The following DIP2B variants were observed in gnomAD, a reference collection of about 807,000 sequenced individuals.
DIP2B encodes DIP2 acetate--CoA ligase B (putative).
In DIP2B, 76 loss-of-function variants were observed where a neutral mutation model predicts 198.0. That is an observed-to-expected ratio of 0.38 (90% CI 0.32 to 0.46). DIP2B has a LOEUF of 0.46. Ranked by LOEUF, DIP2B falls within the 20% of genes least tolerant of loss-of-function variation. The pLI is 0.99. For synonymous variants in DIP2B, 701 were observed against 739.1 expected, an observed-to-expected ratio of 0.95 and a Z score of 0.84; for missense variants, 1,559 against 1,978.4, an observed-to-expected ratio of 0.79 and a Z score of 4.02.
At chr12:50,729,861 C>G (rs1309166565) in intron 30 of DIP2B, among the ~76,000 whole-genome samples, 1 of 151,776 alleles carries the variant, frequency 6.6e-6, no homozygotes, top group East Asian at 1.9e-4. Context: ...TCCTGAGTAG[C>G]TGGGACTACA....
rs908140507 is a variant in DIP2B at position 50,745,766 on chromosome 12, A to G, written c.*927A>G. 7 of 152,524 alleles carry G rather than the reference A, an allele frequency of 4.6e-5. No individual in the cohort carries two copies. The highest frequency in any genetic ancestry group is 1.7e-4 in the African/African-American group (7 of 41,464). 9.4% of individuals were successfully genotyped at this position (152,524 alleles called of 1,614,324 possible). A position where few individuals can be genotyped will look rare whatever the true frequency, so the allele number is the denominator to read the frequency against. On this transcript the variant is annotated 3_prime_UTR_variant, in exon 38 of 38. Transcript: ENST00000301180. ...GCCCACCCTATTCTAAGGAACCACA[A>G]TAACTTACTCTGGCCCCAGTGTTAA...
At position 50,505,045 on chromosome 12, in the gene DIP2B, C is replaced by T. The variant is rs531373870; in HGVS notation, c.-96C>T. ...GGCGGTGCTGGTGGTGCTCGGCGGC[C>T]GGAGCCGGATCCTGTAGCCGGGTGT... is the stretch of plus-strand genomic sequence containing the variant. On this transcript the variant is annotated 5_prime_UTR_variant, in exon 1 of 38. Coordinates refer to ENST00000301180, the MANE Select transcript of DIP2B (RefSeq NM_173602.3). 14 of 1,132,738 alleles carry T rather than the reference C, an allele frequency of 1.2e-5. 1 individual carries two copies. In the Admixed American group the frequency reaches 2.8e-4, roughly 23 times the overall value. 70.2% of individuals were successfully genotyped at this position (1,132,738 alleles called of 1,614,324 possible). A position where few individuals can be genotyped will look rare whatever the true frequency, so the allele number is the denominator to read the frequency against.
intron 3 of DIP2B, among the ~76,000 whole-genome samples, chr12:50,648,658 C>T (rs1283820611): frequency 2.3e-5 from 2 of 87,984 alleles, no homozygotes; most frequent in African/African-American, 3.9e-5. Context: ...CCACCACGCC[C>T]AGCCCCCTTT....
In DIP2B at chr12:50,621,385, T is replaced by C. The variant is rs535566771; in HGVS notation, c.101-4591T>C. Among the ~76,000 whole-genome samples the C allele has an allele frequency of 8.5e-5, 13 of 152,384 alleles. No homozygotes were observed. The East Asian group carries it at 2.5e-3, about 29-fold the overall frequency. The stretch of plus-strand genomic sequence containing the variant: ...AAGTTTCGGTAAACTTCTGGTCCAC[T>C]AAATTCCATTCCCTGAGCCTTTCAG... On this transcript the variant is annotated intron_variant, in intron 1 of 37. Coordinates refer to ENST00000301180, the MANE Select transcript of DIP2B (RefSeq NM_173602.3).
intron 11 of DIP2B, 120 bp downstream of exon 11, chr12:50,686,076 T>A: frequency 9.4e-7 from 1 of 1,058,792 alleles, no homozygotes; most frequent in Non-Finnish European, 1.3e-6. Context: ...CTCATAGTCT[T>A]ATGAAGTAGG....
At chr12:50,705,769 G>A (rs1472859512) in intron 20 of DIP2B, among the ~76,000 whole-genome samples, 1 of 152,188 alleles carries the variant, frequency 6.6e-6, no homozygotes, top group Non-Finnish European at 1.5e-5. Context: ...TGAGGATATG[G>A]GTTATGTCTT....
At chr12:50,622,446 C>A (rs1937831675) in intron 1 of DIP2B, among the ~76,000 whole-genome samples, 1 of 152,070 alleles carries the variant, frequency 6.6e-6, no homozygotes, top group Admixed American at 6.6e-5. Context: ...AAATAATGTT[C>A]ATTGCAGAAA....
chr12:50,604,663 G>A (rs897565216), intron 1 of DIP2B, among the ~76,000 whole-genome samples: 1 of 152,108 alleles, frequency 6.6e-6, no homozygotes, highest in Non-Finnish European at 1.5e-5. Context: ...TAGCTTTGTT[G>A]CCCAGGCTGG....
At chr12:50,612,660 C>G (rs987614456) in intron 1 of DIP2B, among the ~76,000 whole-genome samples, 1 of 152,102 alleles carries the variant, frequency 6.6e-6, no homozygotes, top group Non-Finnish European at 1.5e-5. Flanking sequence ...AACTCTTGGC[C>G]TCAAGTGATC....
chr12:50,706,572 G>T lies in DIP2B; in HGVS notation c.2441G>T (p.Gly814Val). Reference sequence around the variant, plus strand: ...GTGTTCGTGGTTGGGAAAATGGATGGCTTACTGATGGTTAGTGGTCGAAGA... The same window carrying T: ...GTGTTCGTGGTTGGGAAAATGGATGTCTTACTGATGGTTAGTGGTCGAAGA... ...SLVFVVGKMD[G>V]LLMVSGRRHN... Residue 814 changes from glycine (G) to valine (V), a missense_variant, in exon 21 of 38, where the codon GGC becomes GTC. Gly to Val is a moderately radical substitution (Grantham distance 109). Transcript: ENST00000301180. 1 of 1,614,036 alleles carries T rather than the reference G, an allele frequency of 6.2e-7. No individual in the cohort carries two copies. The highest frequency in any genetic ancestry group is 8.5e-7 in the Non-Finnish European group (1 of 1,179,952).
chr12:50,728,817 G>GC, intron 30 of DIP2B, 139 bp downstream of exon 30: 1 of 1,207,598 alleles, frequency 8.3e-7, no homozygotes, highest in Non-Finnish European at 1.1e-6. Context: ...TGGATCTACT[G>GC]TGTCTCTGAA....
rs754432717 is a variant in DIP2B at position 50,741,447 on chromosome 12, G to T, written c.4386G>T (p.Ala1462=). The T allele has an allele frequency of 6.2e-6, 10 of 1,613,848 alleles. No individual in the cohort carries two copies. In the South Asian group the frequency reaches 9.9e-5, roughly 16 times the overall value. Residue 1462 remains alanine, a synonymous_variant, in exon 37 of 38, where the codon GCG becomes GCT. Transcript: ENST00000301180. ...ATGATGCATTGTATGTGGTGGGAGC[G>T]CTGGATGAAACACTGGAGCTGAGAG... The part of the protein sequence containing the change: ...ERHDALYVVG[A]LDETLELRGL...
At chr12:50,580,353 A>G (rs1958713075) in intron 1 of DIP2B, among the ~76,000 whole-genome samples, 4 of 148,834 alleles carry the variant, frequency 2.7e-5, no homozygotes, top group Non-Finnish European at 5.9e-5. Flanking sequence ...TTTGGAGTTA[A>G]GAGATTTTTC....
At chr12:50,660,906 A>T (rs1315610016) in intron 4 of DIP2B, among the ~76,000 whole-genome samples, 1 of 152,154 alleles carries the variant, frequency 6.6e-6, no homozygotes, top group Non-Finnish European at 1.5e-5. Context: ...ACTTTTTATA[A>T]CGGGGTCATG....
chr12:50,702,352 A>T (rs1021903004), intron 19 of DIP2B, among the ~76,000 whole-genome samples: 5 of 151,402 alleles, frequency 3.3e-5, no homozygotes, highest in African/African-American at 7.3e-5. Flanking sequence ...TCTCAAAAAA[A>T]AAAGAGTTCA....
intron 1 of DIP2B, among the ~76,000 whole-genome samples, chr12:50,599,675 A>G (rs1408253814): frequency 6.6e-6 from 1 of 152,196 alleles, no homozygotes; most frequent in East Asian, 1.9e-4. Context: ...TTTCCCCTGA[A>G]GGGATGGTCT....
intron 2 of DIP2B, among the ~76,000 whole-genome samples, chr12:50,629,424 G>T (rs949494671): frequency 6.6e-6 from 1 of 152,116 alleles, no homozygotes; most frequent in African/African-American, 2.4e-5. Flanking sequence ...CCAGGGTGAG[G>T]CCTGAGAATA....
At position 50,536,271 on chromosome 12, in the gene DIP2B, G is replaced by GCATACATACATACATA. The variant is rs55888934; in HGVS notation, c.100+31053_100+31068dup. ...GAGACCTTATTTCTACTAAATACGT[G>GCATACATACATACATA]CATACATACATACATACATACATAC... On this transcript the variant is annotated intron_variant, in intron 1 of 37. Coordinates refer to ENST00000301180, the MANE Select transcript of DIP2B (RefSeq NM_173602.3). 4.9e-3 allele frequency among the ~76,000 whole-genome samples: 732 copies of GCATACATACATACATA among 148,074 alleles called. 2 individuals carry two copies. The highest frequency in any genetic ancestry group is 0.018 in the East Asian group (88 of 4,896).
At chr12:50,584,992 C>T (rs1282668675) in intron 1 of DIP2B, among the ~76,000 whole-genome samples, 1 of 152,126 alleles carries the variant, frequency 6.6e-6, no homozygotes, top group African/African-American at 2.4e-5. Context: ...TTTTCCTGTC[C>T]CTCATTATGC....
Sources: allele counts gnomAD v4.1 joint callset (sites outside exome capture counted in the v4.1 genomes callset), GRCh38; gene constraint gnomAD v4.1.1; transcripts MANE v1.5; gene names NCBI Gene and HGNC (gene_info 2026-07-23, HGNC 2026-07-21).